VPS11: variants seen among roughly 807,000 people sequenced by gnomAD.
VPS11 encodes vacuolar protein sorting-associated protein 11 homolog.
VPS11 carries 51 observed loss-of-function variants against 106.8 expected under a neutral mutation model. The observed-to-expected ratio is 0.48, with a 90% CI of 0.38 to 0.60. The LOEUF is 0.60. Ranked by LOEUF, VPS11 falls within the 20% of genes least tolerant of loss-of-function variation. The pLI is 0.00. For synonymous variants in VPS11, 453 were observed against 458.7 expected, an observed-to-expected ratio of 0.99 and a Z score of 0.16; for missense variants, 950 against 1,190.0, an observed-to-expected ratio of 0.80 and a Z score of 2.97.
Position 119,067,829 on chromosome 11 carries a change from G to T in VPS11, c.6G>T (p.Ala2=), listed in dbSNP as rs936049444. 1 of 1,542,792 alleles carries T rather than the reference G, an allele frequency of 6.5e-7. No homozygotes were observed. The highest frequency in any genetic ancestry group is 8.8e-7 in the Non-Finnish European group (1 of 1,140,620). ...GGTGGGAGCCCTGGGCCAAAATGGC[G>T]GCCTACCTGCAGTGGCGGCGCTTCG... The part of the protein sequence containing the change: M[A]AYLQWRRFVF... Residue 2 remains alanine (A), a synonymous_variant, in exon 1 of 16, where the codon GCG becomes GCT. Transcript: ENST00000621676.
intron 5 of VPS11, chr11:119,072,206 T>C (rs1303090271): frequency 1.3e-5 from 3 of 226,658 alleles, no homozygotes; most frequent in African/African-American, 6.7e-5. Context: ...CCTCAAGTGA[T>C]CTACCCGCCT....
intron 4 of VPS11, 21 bp downstream of exon 4, chr11:119,070,418 C>G (rs1945333008): frequency 6.3e-7 from 1 of 1,596,326 alleles, no homozygotes; most frequent in East Asian, 2.2e-5. Flanking sequence ...GGCCTCCACT[C>G]TTAGGAGCAG....
At chr11:119,075,859 GC>G (rs1331516498) in intron 7 of VPS11, among the ~76,000 whole-genome samples, 1 of 151,528 alleles carries the variant, frequency 6.6e-6, no homozygotes, top group Admixed American at 6.6e-5. Flanking sequence ...CCAAGATCGT[GC>G]CACTGCACTC....
At chr11:119,070,609 T>TTA in intron 4 of VPS11, 4 of 279,720 alleles carry the variant, frequency 1.4e-5, no homozygotes, top group African/African-American at 1.1e-4. Context: ...TGAATTTTCT[T>TTA]TCTTTTTTTT....
intron 6 of VPS11, 180 bp from the exon 7 acceptor site, chr11:119,073,620 A>G: frequency 1.1e-6 from 1 of 897,330 alleles, no homozygotes; most frequent in South Asian, 1.8e-5. Context: ...CTTTGTTTCC[A>G]GAGAACCTTA....
At chr11:119,072,014 A>C (rs914598349) in intron 5 of VPS11, 171 bp downstream of exon 5, 1 of 867,974 alleles carries the variant, frequency 1.2e-6, no homozygotes, top group Non-Finnish European at 1.7e-6. Flanking sequence ...TCTGTCACCC[A>C]GGAGTGCAGT....
intron 7 of VPS11, among the ~76,000 whole-genome samples, chr11:119,074,238 C>T (rs546084325): frequency 4.0e-4 from 61 of 152,226 alleles, no homozygotes; most frequent in African/African-American, 1.4e-3. Flanking sequence ...GCGCGTGCCA[C>T]CACACCTGGC....
In VPS11 at chr11:119,071,799, A is replaced by G; in HGVS notation, c.840A>G (p.Arg280=). ...EGHKLIAHWF[R]GYLIIVSRDR... The stretch of plus-strand genomic sequence containing the variant: ...ATAAGCTCATTGCCCACTGGTTTAG[A>G]GGCTACCTTATCATTGTCTCCCGTG... Residue 280 remains arginine, a synonymous_variant, in exon 5 of 16, where the codon AGA becomes AGG. Coordinates refer to ENST00000621676, the MANE Select transcript of VPS11 (RefSeq NM_021729.6). 1 of 1,613,868 alleles carries G rather than the reference A, an allele frequency of 6.2e-7. No individual in the cohort carries two copies. The highest frequency in any genetic ancestry group is 8.5e-7 in the Non-Finnish European group (1 of 1,179,858).
chr11:119,075,542 T>C (rs1461266721), intron 7 of VPS11, among the ~76,000 whole-genome samples: 6 of 111,632 alleles, frequency 5.4e-5, no homozygotes, highest in Non-Finnish European at 7.2e-5. Flanking sequence ...CTGTCTCCAC[T>C]AAAAAAAAAA....
At chr11:119,070,041 T>C (rs1432572049) in intron 3 of VPS11, among the ~76,000 whole-genome samples, 193 bp from the exon 4 acceptor site, 1 of 53,128 alleles carries the variant, frequency 1.9e-5, no homozygotes, top group Non-Finnish European at 4.4e-5. Context: ...ATAAATAAAG[T>C]TTGGAATGGG....
rs925182182 is a variant in VPS11, at chr11:119,081,739, A to G, written c.*116A>G. 2.2e-6 allele frequency: 3 copies of G among 1,354,120 alleles called. No homozygotes were observed. Among genetic ancestry groups the G allele is most frequent in the Non-Finnish European group, 3.0e-6 (3 of 1,004,794 alleles). 83.9% of individuals were successfully genotyped at this position (1,354,120 alleles called of 1,614,324 possible). ...CATGCCCAGGGCTCCACTCTCATCT[A>G]ATGTCACAGCCCTCAGAACTAAAGC... On this transcript the variant is annotated 3_prime_UTR_variant, in exon 16 of 16. Transcript: ENST00000621676.
intron 13 of VPS11, 46 bp from the exon 14 acceptor site, chr11:119,079,083 C>T (rs1330822857): frequency 5.0e-6 from 8 of 1,611,560 alleles, no homozygotes; most frequent in Non-Finnish European, 6.8e-6. Flanking sequence ...CCAGAGAGTG[C>T]CACACGTGGT....
intron 14 of VPS11, among the ~76,000 whole-genome samples, chr11:119,080,429 C>T (rs919140533): frequency 1.5e-4 from 22 of 151,596 alleles, no homozygotes; most frequent in South Asian, 4.2e-4. Context: ...AGTGTGATGG[C>T]GCAATCTCGG....
At chr11:119,072,726 G>C (rs1408262398) in intron 5 of VPS11, 1 of 161,094 alleles carries the variant, frequency 6.2e-6, no homozygotes, top group Non-Finnish European at 1.4e-5. Flanking sequence ...AAAATAAATT[G>C]GGCAGAGGAA....
In VPS11 at chr11:119,081,332, A is replaced by G; in HGVS notation, c.2661+18A>G. 2.5e-6 allele frequency: 4 copies of G among 1,613,852 alleles called. No homozygotes were observed. In the East Asian group the frequency reaches 6.7e-5, roughly 27 times the overall value. On this transcript the variant is annotated intron_variant, in intron 15 of 15. Transcript: ENST00000621676. ...AGCATCAGGTGGGGATGAGTGGGCTAGATGGGCCAGGGGATTCCCACTAGT... is the reference window on the plus strand; with the variant it reads ...AGCATCAGGTGGGGATGAGTGGGCTGGATGGGCCAGGGGATTCCCACTAGT...
intron 4 of VPS11, 63 bp from the exon 5 acceptor site, chr11:119,071,532 CT>C: frequency 6.3e-7 from 1 of 1,579,624 alleles, no homozygotes; most frequent in South Asian, 1.1e-5. Flanking sequence ...ATGGGAATAC[CT>C]TTGTGAAGGC....
rs1171113927 is a variant in VPS11 at position 119,070,281 on chromosome 11, G to T, written c.520G>T (p.Asp174Tyr). The change falls in exon 4 of 16, where the codon GAC (aspartate) becomes TAC (tyrosine). Residue 174 changes from aspartate (D) to tyrosine (Y), a missense_variant. Asp to Tyr is a radical substitution (Grantham distance 160). Around this residue, in one of 3 missense-constraint regions of VPS11, gnomAD observed 435 missense variants for 630.2 expected, o/e 0.69. Coordinates refer to ENST00000621676, the MANE Select transcript of VPS11 (RefSeq NM_021729.6). The stretch of plus-strand genomic sequence containing the variant: ...ATTGAACAAAGGAGACATCACCCGG[G>T]ACCGGCATAGCAAGACCCAGATTTT... Reference protein sequence around the residue: ...VTLNKGDITRDRHSKTQILHK... With the variant: ...VTLNKGDITRYRHSKTQILHK... 6.2e-7 allele frequency: 1 copy of T among 1,613,098 alleles called. No individual in the cohort carries two copies. Among genetic ancestry groups the T allele is most frequent in the South Asian group, 1.1e-5 (1 of 90,924 alleles).
At position 119,069,503 on chromosome 11, in the gene VPS11, C is replaced by T. The variant is rs867944889; in HGVS notation, c.398C>T (p.Pro133Leu). The stretch of plus-strand genomic sequence containing the variant: ...AATCCACTCTGCACTCGAATCTTCC[C>T]TGCTATTCCAGGAACAGAGCCAACT... ...GGNPLCTRIF[P>L]AIPGTEPTVV... The change falls in exon 3 of 16, where the codon CCT becomes CTT. Residue 133 changes from proline (P) to leucine (L), a missense_variant. This residue lies in a region of VPS11 where 435 missense variants were observed against 630.2 expected (regional missense o/e 0.69). Transcript: ENST00000621676. 6.2e-7 allele frequency: 1 copy of T among 1,614,020 alleles called. No homozygotes were observed. Among genetic ancestry groups the T allele is most frequent in the African/African-American group, 1.3e-5 (1 of 75,064 alleles).
chr11:119,078,696 G>T lies in VPS11; in HGVS notation c.2055G>T (p.Gln685His), dbSNP rs782778654. 4 of 1,611,644 alleles carry T rather than the reference G, an allele frequency of 2.5e-6. No homozygotes were observed. The highest frequency in any genetic ancestry group is 3.4e-6 in the Non-Finnish European group (4 of 1,178,452). The change falls in exon 12 of 16, where the codon CAG (glutamine) becomes CAT (histidine). Residue 685 changes from glutamine (Q) to histidine (H), a missense_variant. This residue lies in a region of VPS11 where 453 missense variants were observed against 514.6 expected (regional missense o/e 0.88). Transcript: ENST00000621676. Reference sequence around the variant, plus strand: ...ATGGTGTCCTTTACCTTTATGAGCAGGGGAAGCTGTAAGAGTTTGGGGAAT... The same window carrying T: ...ATGGTGTCCTTTACCTTTATGAGCATGGGAAGCTGTAAGAGTTTGGGGAAT... ...FQDGVLYLYE[Q>H]GKLFQQIMHY...
Sources: gnomAD v4.1 joint callset for allele counts (sites outside exome capture counted in the v4.1 genomes callset) on GRCh38, gnomAD v4.1.1 for gene constraint, gnomAD v4.1.1 regional missense constraint, MANE v1.5 for transcripts, NCBI Gene and HGNC (gene_info 2026-07-23, HGNC 2026-07-21) for gene names.